The following SLC8A3 variants were observed in gnomAD, a reference collection of about 807,000 sequenced individuals.
The protein encoded by SLC8A3 is solute carrier family 8 member A3.
Under a neutral mutation model 65.4 loss-of-function variants are expected in SLC8A3, and 37 were observed. The observed-to-expected ratio is 0.57, with a 90% CI of 0.44 to 0.74. SLC8A3 has a LOEUF of 0.74. Ranked by LOEUF, SLC8A3 falls within the 30% of genes least tolerant of loss-of-function variation. The pLI is 0.00. For synonymous variants in SLC8A3, 461 were observed against 444.5 expected (o/e 1.04, Z -0.47); for missense variants, 1,112 against 1,172.1 (o/e 0.95, Z 0.75).
At position 70,090,155 on chromosome 14, in the gene SLC8A3, C is replaced by T. The variant is rs1377514327; in HGVS notation, c.1785-29216G>A. Among the ~76,000 whole-genome samples the T allele has an allele frequency of 4.6e-5, 7 of 151,664 alleles. No homozygotes were observed. The East Asian group carries it at 1.4e-3, about 30-fold the overall frequency. On this transcript the variant is annotated intron_variant, in intron 2 of 6. Coordinates refer to ENST00000356921, the MANE Select transcript of SLC8A3 (RefSeq NM_182932.3). ...CAGCCTGATGCTTGTTTTTCAATTG[C>T]CTTCTACTGTTTTCCCCGAAAGATA...
chr14:70,172,190 T>G (rs996775588), intron 1 of SLC8A3, among the ~76,000 whole-genome samples: 10 of 152,154 alleles, frequency 6.6e-5, no homozygotes, highest in African/African-American at 2.4e-4. Context: ...AAGACATTAA[T>G]AACAGTAATT....
intron 2 of SLC8A3, among the ~76,000 whole-genome samples, chr14:70,121,055 G>A (rs1009198353): frequency 2.0e-5 from 3 of 152,126 alleles, no homozygotes; most frequent in Non-Finnish European, 2.9e-5. Context: ...ATGCTGGAAC[G>A]GCCCAGAATC....
chr14:70,130,674 C>T (rs1163044405), intron 2 of SLC8A3, among the ~76,000 whole-genome samples: 1 of 152,228 alleles, frequency 6.6e-6, no homozygotes, highest in Non-Finnish European at 1.5e-5. Flanking sequence ...AACAGTCCAT[C>T]TTGGCGCCCT....
intron 1 of SLC8A3, among the ~76,000 whole-genome samples, chr14:70,172,105 T>C (rs958822135): frequency 3.9e-5 from 6 of 152,156 alleles, no homozygotes; most frequent in Non-Finnish European, 8.8e-5. Flanking sequence ...CAGAAGGCTA[T>C]TAACCCCGAG....
chr14:70,049,174 T>C (rs1887167677), intron 5 of SLC8A3, 132 bp from the exon 6 acceptor site: 2 of 914,214 alleles, frequency 2.2e-6, no homozygotes, highest in Non-Finnish European at 3.3e-6. Context: ...GGGCAGCTGG[T>C]GGGGGCCAGG....
At chr14:70,076,868 A>C (rs1422969681) in intron 2 of SLC8A3, among the ~76,000 whole-genome samples, 1 of 152,236 alleles carries the variant, frequency 6.6e-6, no homozygotes, top group African/African-American at 2.4e-5. Context: ...TTTACTGATT[A>C]AGAGCCTGGG....
chr14:70,055,743 T>C, intron 3 of SLC8A3: 2 of 1,541,198 alleles, frequency 1.3e-6, no homozygotes, highest in Non-Finnish European at 8.8e-7. Context: ...TTAAACCAAA[T>C]AATGGCACTG....
At position 70,061,506 on chromosome 14, in the gene SLC8A3, G is replaced by A. The variant is rs548040373; in HGVS notation, c.1785-567C>T. 4.6e-5 allele frequency among the ~76,000 whole-genome samples: 7 copies of A among 151,804 alleles called. No homozygotes were observed. In the South Asian group the frequency reaches 1.3e-3, roughly 27 times the overall value. On this transcript the variant is annotated intron_variant, in intron 2 of 6. Transcript: ENST00000356921. ...AATTTTAAAAGAAAAGTATTTATGAGGAAGGAAAACCAGACAGAGGAAGAG... is the reference window on the plus strand; with the variant it reads ...AATTTTAAAAGAAAAGTATTTATGAAGAAGGAAAACCAGACAGAGGAAGAG...
chr14:70,122,418 A>G (rs1894133812), intron 2 of SLC8A3, among the ~76,000 whole-genome samples: 2 of 152,030 alleles, frequency 1.3e-5, no homozygotes, highest in South Asian at 4.2e-4. Context: ...GTTCAAGGAC[A>G]ATGGGGAGGG....
At chr14:70,102,165 C>T (rs1271912016) in intron 2 of SLC8A3, among the ~76,000 whole-genome samples, 4 of 152,280 alleles carry the variant, frequency 2.6e-5, no homozygotes, top group Non-Finnish European at 2.9e-5. Context: ...AGAAATGTTG[C>T]AGTTCCTGCT....
At chr14:70,157,613 T>C (rs1438301585) in intron 2 of SLC8A3, among the ~76,000 whole-genome samples, 1 of 152,048 alleles carries the variant, frequency 6.6e-6, no homozygotes, top group Non-Finnish European at 1.5e-5. Flanking sequence ...AAGAAGCCCA[T>C]AGAGAGAAGC....
chr14:70,087,957 A>T (rs901402772), intron 2 of SLC8A3, among the ~76,000 whole-genome samples: 1 of 152,268 alleles, frequency 6.6e-6, no homozygotes, highest in Non-Finnish European at 1.5e-5. Flanking sequence ...TGTGTACAAT[A>T]GGTAATATTT....
At chr14:70,175,156 C>T (rs569818307) in intron 1 of SLC8A3, among the ~76,000 whole-genome samples, 2 of 152,136 alleles carry the variant, frequency 1.3e-5, no homozygotes, top group Admixed American at 6.5e-5. Context: ...AGCAGGCCTC[C>T]GTCTCCTCAT....
chr14:70,160,979 T>TCC (rs1896849157), intron 2 of SLC8A3, among the ~76,000 whole-genome samples: 1 of 150,902 alleles, frequency 6.6e-6, no homozygotes, highest in Admixed American at 6.6e-5. Flanking sequence ...GCACGGTGGC[T>TCC]CACGCCTGTA....
intron 1 of SLC8A3, among the ~76,000 whole-genome samples, chr14:70,176,015 T>C (rs1897887707): frequency 6.6e-6 from 1 of 152,198 alleles, no homozygotes; most frequent in African/African-American, 2.4e-5. Flanking sequence ...CTTTTTTGTT[T>C]GTAAAAATGC....
chr14:70,089,319 T>C (rs1891657302), intron 2 of SLC8A3, among the ~76,000 whole-genome samples: 5 of 152,160 alleles, frequency 3.3e-5, no homozygotes. Flanking sequence ...AAATACTCAA[T>C]TGAAATTACT....
chr14:70,155,656 A>G (rs1250865742), intron 2 of SLC8A3, among the ~76,000 whole-genome samples: 1 of 152,256 alleles, frequency 6.6e-6, no homozygotes. Context: ...TTATTATGTA[A>G]GAAACATAAC....
intron 2 of SLC8A3, among the ~76,000 whole-genome samples, chr14:70,062,211 C>T (rs1335553562): frequency 6.6e-6 from 1 of 152,144 alleles, no homozygotes; most frequent in Admixed American, 6.5e-5. Flanking sequence ...TCTGATGTTC[C>T]TGCTACCTTC....
At chr14:70,100,632 G>A (rs1892495575) in intron 2 of SLC8A3, among the ~76,000 whole-genome samples, 1 of 152,160 alleles carries the variant, frequency 6.6e-6, no homozygotes, top group South Asian at 2.1e-4. Flanking sequence ...GACTTCCTTT[G>A]TGCTCACTGA....
Sources: allele counts gnomAD v4.1 joint callset (sites outside exome capture counted in the v4.1 genomes callset), GRCh38; gene constraint gnomAD v4.1.1; transcripts MANE v1.5; gene names NCBI Gene and HGNC (gene_info 2026-07-23, HGNC 2026-07-21).